Variants in SCARA3 observed in about 807,000 individuals in gnomAD.
SCARA3 encodes the protein cellular stress response gene protein.
Under a neutral mutation model 47.0 loss-of-function variants are expected in SCARA3, and 39 were observed. The ratio of observed to expected loss-of-function variants is 0.83; its 90% confidence interval spans 0.64 to 1.08. SCARA3 has a LOEUF of 1.08. SCARA3 is among the 50% of genes least tolerant of loss of function. The pLI is 0.00. For synonymous variants in SCARA3, 356 were observed against 334.1 expected (o/e 1.07, Z -0.71); for missense variants, 724 against 792.3 (o/e 0.91, Z 1.04).
intron 2 of SCARA3, 143 bp downstream of exon 2, chr8:27,649,943 G>A (rs1801596750): frequency 4.4e-6 from 3 of 684,404 alleles, no homozygotes; most frequent in Non-Finnish European, 4.9e-6. Flanking sequence ...GATGGTGAAA[G>A]GGCAGAGTTC....
At chr8:27,717,468 T>C in the SCARA3 span, among the ~76,000 whole-genome samples, 1 of 152,188 alleles carries the variant, frequency 6.6e-6, no homozygotes, top group African/African-American at 2.4e-5. Flanking sequence ...ATTTTTATTT[T>C]GAACTATATG....
In SCARA3 at chr8:27,671,270, G is replaced by A. The variant is rs542442032; in HGVS notation, c.1740G>A (p.Gly580=). 26 of 1,459,776 alleles carry A rather than the reference G, an allele frequency of 1.8e-5. No individual in the cohort carries two copies. Among genetic ancestry groups the A allele is most frequent in the Middle Eastern group, 2.0e-4 (1 of 5,074 alleles). The allele number at this position is 1,459,776 out of a possible 1,614,324, so 90.4% of individuals were successfully genotyped here. The change falls in exon 6 of 6, where the codon GGG becomes GGA. Residue 580 remains glycine (G), a synonymous_variant. Transcript: ENST00000301904. ...CACCAGGCCAGCGGGGGGCCATGGG[G>A]CCTAAGGGTGAACCAGGGATCCAGG... ...TGSPGQRGAM[G]PKGEPGIQGP... is the part of the protein sequence containing the mutation.
At chr8:27,670,730 C>T (rs997274064) in intron 5 of SCARA3, among the ~76,000 whole-genome samples, 170 bp from the exon 6 acceptor site, 1 of 152,064 alleles carries the variant, frequency 6.6e-6, no homozygotes, top group Non-Finnish European at 1.5e-5. Flanking sequence ...CCCCTTGTTC[C>T]CTAACCTCAG....
At chr8:27,727,338 GGTGCAGCACTTCCT>G in the SCARA3 span, among the ~76,000 whole-genome samples, 21 of 152,188 alleles carry the variant, frequency 1.4e-4, no homozygotes, top group Non-Finnish European at 2.8e-4. Context: ...CTTTTTGTGA[GGTGCAGCACTTCCT>G]GTGTCCAGCC....
At chr8:27,637,145 G>A (rs1373068794) in intron 1 of SCARA3, among the ~76,000 whole-genome samples, 1 of 152,234 alleles carries the variant, frequency 6.6e-6, no homozygotes, top group East Asian at 1.9e-4. Context: ...CCAGCCCACC[G>A]GTGGCCGAGT....
rs1383261859 is a variant in SCARA3, at chr8:27,656,796, G to T, written c.241G>T (p.Asp81Tyr). 5.0e-6 allele frequency: 8 copies of T among 1,609,306 alleles called. No individual in the cohort carries two copies. The highest frequency in any genetic ancestry group is 6.8e-6 in the Non-Finnish European group (8 of 1,175,758). Residue 81 changes from aspartate to tyrosine, a missense_variant, in exon 4 of 6, where the codon GAC (aspartate) becomes TAC (tyrosine). Transcript: ENST00000301904. ...VLASLVFRKV[D>Y]SLSEDISLTQ... is the part of the protein sequence containing the mutation. ...TTTCCCTACAGTTTTCAGAAAAGTG[G>T]ACTCTCTCTCCGAAGACATCTCCTT...
the SCARA3 span, chr8:27,697,625 A>T: frequency 6.6e-6 from 1 of 152,140 alleles, no homozygotes; most frequent in Non-Finnish European, 1.5e-5. Context: ...CCCAAATCTC[A>T]TCTTGAAATA....
chr8:27,651,687 C>A lies in SCARA3; in HGVS notation c.226+60C>A. 6.3e-6 allele frequency: 10 copies of A among 1,593,118 alleles called. No individual in the cohort carries two copies. The South Asian group carries it at 1.0e-4, about 16-fold the overall frequency. On this transcript the variant is annotated intron_variant, in intron 3 of 5. Coordinates refer to ENST00000301904, the MANE Select transcript of SCARA3 (RefSeq NM_016240.3). ...GGGGTGTCTGATCAGGGATCCAGCACCAAAAGTTCCCCTGCAAAGACAAAC... is the reference window on the plus strand; with the variant it reads ...GGGGTGTCTGATCAGGGATCCAGCAACAAAAGTTCCCCTGCAAAGACAAAC...
At chr8:27,721,075 T>C in the SCARA3 span, among the ~76,000 whole-genome samples, 1 of 152,128 alleles carries the variant, frequency 6.6e-6, no homozygotes, top group African/African-American at 2.4e-5. Context: ...TACTCATCTA[T>C]CCATCCTTCC....
At chr8:27,673,044 C>T (rs996889831), downstream of SCARA3, 10 of 973,128 alleles carry the variant, frequency 1.0e-5, no homozygotes, top group Non-Finnish European at 1.1e-5. Flanking sequence ...GTCCTTTCTG[C>T]CTGACTTGGG....
At chr8:27,668,353 A>C (rs995014727) in intron 5 of SCARA3, among the ~76,000 whole-genome samples, 1 of 151,010 alleles carries the variant, frequency 6.6e-6, no homozygotes. Flanking sequence ...ATCCTGGCTA[A>C]CAAGGTGAAA....
chr8:27,717,876 G>A, the SCARA3 span, among the ~76,000 whole-genome samples: 87 of 152,136 alleles, frequency 5.7e-4, no homozygotes, highest in Non-Finnish European at 1.1e-3. Flanking sequence ...GCCTTAGCAC[G>A]GCGTTAAGTC....
At chr8:27,675,703 TTGC>T (rs1478565860), downstream of SCARA3, among the ~76,000 whole-genome samples, 2 of 152,282 alleles carry the variant, frequency 1.3e-5, no homozygotes, top group East Asian at 3.9e-4. Context: ...GGCAGGAGTG[TTGC>T]TTGAACCTGG....
chr8:27,655,340 C>T (rs137978432), intron 3 of SCARA3, among the ~76,000 whole-genome samples: 4 of 152,212 alleles, frequency 2.6e-5, no homozygotes, highest in East Asian at 3.9e-4. Context: ...TTGTACTTGA[C>T]CTTAAGAGGA....
chr8:27,654,478 G>T (rs1031151538), intron 3 of SCARA3, among the ~76,000 whole-genome samples: 3 of 152,098 alleles, frequency 2.0e-5, no homozygotes, highest in African/African-American at 7.2e-5. Context: ...AATAAGCAAG[G>T]CCAGGTGCAG....
chr8:27,728,299 T>C, the SCARA3 span, among the ~76,000 whole-genome samples: 25 of 152,208 alleles, frequency 1.6e-4, no homozygotes, highest in Non-Finnish European at 2.2e-4. Flanking sequence ...AAAGACCCAG[T>C]TGGGAAGCGC....
At chr8:27,637,356 C>G (rs997235098) in intron 1 of SCARA3, among the ~76,000 whole-genome samples, 2 of 152,216 alleles carry the variant, frequency 1.3e-5, no homozygotes, top group Non-Finnish European at 2.9e-5. Context: ...ACTGGCTTGT[C>G]CAAGCCATTA....
At chr8:27,639,245 C>T (rs934072926) in intron 1 of SCARA3, among the ~76,000 whole-genome samples, 1 of 152,192 alleles carries the variant, frequency 6.6e-6, no homozygotes, top group Non-Finnish European at 1.5e-5. Context: ...GAAGGCAAGC[C>T]TGGGTGCTTT....
At chr8:27,657,008 G>T (rs755079720) in intron 4 of SCARA3, 128 bp downstream of exon 4, 2 of 642,538 alleles carry the variant, frequency 3.1e-6, no homozygotes, top group Admixed American at 2.5e-5. Flanking sequence ...GCTATCCCCA[G>T]CTCCCTGCTC....
Sources: gnomAD v4.1 joint callset for allele counts (sites outside exome capture counted in the v4.1 genomes callset) on GRCh38, gnomAD v4.1.1 for gene constraint, MANE v1.5 for transcripts, NCBI Gene and HGNC (gene_info 2026-07-23, HGNC 2026-07-21) for gene names.